The following BAIAP2L1 variants were observed in gnomAD, a reference collection of about 807,000 sequenced individuals.
BAIAP2L1 encodes BAR/IMD domain-containing adapter protein 2-like 1.
BAIAP2L1 carries 35 observed loss-of-function variants against 66.3 expected under a neutral mutation model. The observed-to-expected ratio is 0.53, with a 90% CI of 0.40 to 0.70. The LOEUF (loss-of-function observed/expected upper bound fraction) is 0.70, where lower values mean the gene tolerates loss of function less well. Ranked by LOEUF, BAIAP2L1 falls within the 30% of genes least tolerant of loss-of-function variation. BAIAP2L1 has a pLI of 0.00. For synonymous variants in BAIAP2L1, 269 were observed against 248.7 expected (o/e 1.08, Z -0.77); for missense variants, 622 against 656.9 (o/e 0.95, Z 0.58).
chr7:98,325,542 G>A (rs945896869), intron 3 of BAIAP2L1, among the ~76,000 whole-genome samples: 5 of 152,048 alleles, frequency 3.3e-5, no homozygotes, highest in African/African-American at 1.2e-4. Flanking sequence ...GCCGGGCTTG[G>A]TGGCGCGTGC....
chr7:98,352,306 A>C (rs78879934), intron 3 of BAIAP2L1, among the ~76,000 whole-genome samples: 124 of 152,334 alleles, frequency 8.1e-4, no homozygotes, highest in African/African-American at 2.6e-3. Context: ...CTTGAAACTA[A>C]ATAAAACAGA....
intron 2 of BAIAP2L1, among the ~76,000 whole-genome samples, chr7:98,356,020 T>C (rs1802111458): frequency 6.6e-6 from 1 of 152,236 alleles, no homozygotes; most frequent in South Asian, 2.1e-4. Context: ...CTCTACTTTT[T>C]CTTTTTTGGC....
At chr7:98,298,423 T>G (rs1800279307) in intron 12 of BAIAP2L1, among the ~76,000 whole-genome samples, 1 of 152,160 alleles carries the variant, frequency 6.6e-6, no homozygotes, top group Non-Finnish European at 1.5e-5. Context: ...TCATCCTGGC[T>G]AACACGGTGA....
chr7:98,375,652 G>A (rs1170403431), intron 1 of BAIAP2L1, among the ~76,000 whole-genome samples: 1 of 149,734 alleles, frequency 6.7e-6, no homozygotes, highest in Admixed American at 6.7e-5. Context: ...GGGAGGCCGA[G>A]GCAGGAGAAT....
intron 1 of BAIAP2L1, among the ~76,000 whole-genome samples, chr7:98,380,928 TTGG>T (rs1449867774): frequency 2.0e-5 from 3 of 151,926 alleles, no homozygotes; most frequent in Non-Finnish European, 4.4e-5. Context: ...TGCTCATTCT[TTGG>T]TGGTCTCTAA....
chr7:98,386,967 G>A (rs185615917), intron 1 of BAIAP2L1, among the ~76,000 whole-genome samples: 1 of 152,148 alleles, frequency 6.6e-6, no homozygotes, highest in Admixed American at 6.6e-5. Context: ...CCAAAGTGCT[G>A]GGATTACAGG....
chr7:98,316,517 C>T (rs1363615373), intron 6 of BAIAP2L1, among the ~76,000 whole-genome samples: 1 of 152,092 alleles, frequency 6.6e-6, no homozygotes, highest in South Asian at 2.1e-4. Context: ...AGTCAAAATG[C>T]TTATTTTTAA....
Position 98,355,031 on chromosome 7 carries a change from A to G in BAIAP2L1, c.214+11T>C, listed in dbSNP as rs1482002530. 6.2e-7 allele frequency: 1 copy of G among 1,605,742 alleles called. No individual in the cohort carries two copies. The highest frequency in any genetic ancestry group is 8.5e-7 in the Non-Finnish European group (1 of 1,172,350). On this transcript the variant is annotated intron_variant, in intron 3 of 13. Transcript: ENST00000005260. The stretch of plus-strand genomic sequence containing the variant: ...AAGTGGGGTTTATGTATAAAGGGAC[A>G]GATCGCTCACCCAGTTCAGTTGACA...
At chr7:98,354,643 G>A (rs1802078585) in intron 3 of BAIAP2L1, among the ~76,000 whole-genome samples, 1 of 152,184 alleles carries the variant, frequency 6.6e-6, no homozygotes, top group African/African-American at 2.4e-5. Context: ...GAAGAGGCAA[G>A]GGCCAAGAGA....
chr7:98,353,385 T>C (rs1802043257), intron 3 of BAIAP2L1, among the ~76,000 whole-genome samples: 2 of 137,988 alleles, frequency 1.4e-5, no homozygotes, highest in Non-Finnish European at 1.5e-5. Flanking sequence ...TTATATTATG[T>C]ATATTATAAA....
chr7:98,386,390 A>G, intron 1 of BAIAP2L1: 1 of 1,592,640 alleles, frequency 6.3e-7, no homozygotes, highest in South Asian at 1.1e-5. Flanking sequence ...CTTCAAACAC[A>G]CGACCCTTGA....
intron 12 of BAIAP2L1, among the ~76,000 whole-genome samples, chr7:98,302,224 T>C (rs1184205195): frequency 1.3e-5 from 2 of 152,172 alleles, no homozygotes; most frequent in Non-Finnish European, 2.9e-5. Context: ...GCGGCGACAG[T>C]ACTTTCTTCA....
intron 3 of BAIAP2L1, among the ~76,000 whole-genome samples, chr7:98,320,798 C>T (rs1389759166): frequency 6.6e-6 from 1 of 152,200 alleles, no homozygotes; most frequent in Admixed American, 6.5e-5. Context: ...CAAACAGCTT[C>T]TACAACATAA....
At chr7:98,372,016 G>A (rs1459377895) in intron 1 of BAIAP2L1, among the ~76,000 whole-genome samples, 2 of 152,042 alleles carry the variant, frequency 1.3e-5, no homozygotes, top group East Asian at 2.0e-4. Flanking sequence ...GGATGGTCTC[G>A]ATCTCCTGAT....
chr7:98,312,891 T>C (rs1196736838), intron 7 of BAIAP2L1, among the ~76,000 whole-genome samples: 1 of 152,184 alleles, frequency 6.6e-6, no homozygotes, highest in African/African-American at 2.4e-5. Flanking sequence ...CCCACAAGCC[T>C]GGCTCTGCTC....
At chr7:98,308,152 A>T (rs1314947837) in intron 9 of BAIAP2L1, 3 of 620,858 alleles carry the variant, frequency 4.8e-6, no homozygotes, top group Non-Finnish European at 9.0e-6. Context: ...GCTCTTTTCC[A>T]GGCCCAAGGA....
At chr7:98,378,974 C>T (rs1428067934) in intron 1 of BAIAP2L1, among the ~76,000 whole-genome samples, 1 of 152,132 alleles carries the variant, frequency 6.6e-6, no homozygotes, top group African/African-American at 2.4e-5. Flanking sequence ...GGACTACAGG[C>T]GTCTGCCACC....
chr7:98,393,774 C>A (rs1188926436), intron 1 of BAIAP2L1, among the ~76,000 whole-genome samples: 1 of 148,900 alleles, frequency 6.7e-6, no homozygotes. Flanking sequence ...CGTGAGCCAC[C>A]GCGCCTGGTT....
At chr7:98,338,171 G>T (rs531431526) in intron 3 of BAIAP2L1, among the ~76,000 whole-genome samples, 1 of 152,126 alleles carries the variant, frequency 6.6e-6, no homozygotes, top group East Asian at 1.9e-4. Flanking sequence ...GGTGGCTCAC[G>T]CTTGTAATCC....
Sources: allele counts gnomAD v4.1 joint callset (sites outside exome capture counted in the v4.1 genomes callset), GRCh38; gene constraint gnomAD v4.1.1; transcripts MANE v1.5; gene names NCBI Gene and HGNC (gene_info 2026-07-23, HGNC 2026-07-21).